Variants in GLIS2 observed in about 807,000 individuals in gnomAD.
GLIS2 encodes zinc finger protein GLIS2.
In GLIS2, 14 loss-of-function variants were observed where a neutral mutation model predicts 35.6. The observed-to-expected ratio is 0.39, with a 90% confidence interval of 0.26 to 0.61. The LOEUF (loss-of-function observed/expected upper bound fraction) is 0.61, where lower values mean the gene tolerates loss of function less well. GLIS2 is among the 20% of genes least tolerant of loss of function. The pLI is 0.48. For missense variants in GLIS2, 675 were observed against 713.4 expected, an observed-to-expected ratio of 0.95 and a Z score of 0.61; for synonymous variants, 368 against 325.1, an observed-to-expected ratio of 1.13 and a Z score of -1.42.
chr16:4,332,575 C>G lies in GLIS2; in HGVS notation c.172+123C>G. On this transcript the variant is annotated intron_variant, in intron 2 of 6. Coordinates refer to ENST00000433375, the MANE Select transcript of GLIS2 (RefSeq NM_032575.3). This position sits in a 1 kb window ranked among gnomAD's most constrained non-coding sequence, Gnocchi z 5.4. The stretch of plus-strand genomic sequence containing the variant: ...CTCTCGGCTTCCGGTTCATGGGAAG[C>G]CCGCACGCTTGTCCTTCCATCCGCC... 8.7e-7 allele frequency: 1 copy of G among 1,149,198 alleles called. No homozygotes were observed. 71.2% of individuals were successfully genotyped at this position (1,149,198 alleles called of 1,614,324 possible).
chr16:4,337,811 G>A lies in GLIS2; in HGVS notation c.*287G>A, dbSNP rs372905167. The A allele has an allele frequency of 5.3e-5, 30 of 566,354 alleles. No homozygotes were observed. The highest frequency in any genetic ancestry group is 2.1e-4 in the Admixed American group (7 of 33,152). The allele number at this position is 566,354 out of a possible 1,614,324, so 35.1% of individuals were successfully genotyped here. A position where few individuals can be genotyped will look rare whatever the true frequency, so the allele number is the denominator to read the frequency against. The stretch of plus-strand genomic sequence containing the variant: ...GCTTCTGAGAGGCTTTCCCCTGCCC[G>A]ACCTCCTCCCGTTTCCCTCTCCCAC... On this transcript the variant is annotated 3_prime_UTR_variant, in exon 7 of 7. Coordinates refer to ENST00000433375, the MANE Select transcript of GLIS2 (RefSeq NM_032575.3).
rs764627908 is a variant in GLIS2 at position 4,335,310 on chromosome 16, A to G, written c.692A>G (p.Asn231Ser). ...CTCATCCACATCCGCACACACACCA[A>G]CGAGAAGCCACACCGCTGTCCGACC... is the stretch of plus-strand genomic sequence containing the variant. ...KMLIHIRTHT[N>S]EKPHRCPTCS... Residue 231 changes from asparagine to serine, a missense_variant, in exon 6 of 7, where the codon AAC becomes AGC. Physicochemically the swap from Asn to Ser is conservative, Grantham distance 46 (BLOSUM62 1). Transcript: ENST00000433375. The surrounding 1 kb of genome is among the most constrained non-coding windows in gnomAD (Gnocchi z 4.6). 3 of 1,613,578 alleles carry G rather than the reference A, an allele frequency of 1.9e-6. No homozygotes were observed. Among genetic ancestry groups the G allele is most frequent in the African/African-American group, 2.7e-5 (2 of 74,880 alleles).
At position 4,337,833 on chromosome 16, in the gene GLIS2, C is replaced by T. The variant is rs1288303671; in HGVS notation, c.*309C>T. 3.7e-6 allele frequency: 2 copies of T among 534,248 alleles called. No homozygotes were observed. 33.1% of individuals were successfully genotyped at this position (534,248 alleles called of 1,614,324 possible). ...CCCGACCTCCTCCCGTTTCCCTCTCCCACCCTGGCACCTCCCTCACCTAGT... is the reference window on the plus strand; with the variant it reads ...CCCGACCTCCTCCCGTTTCCCTCTCTCACCCTGGCACCTCCCTCACCTAGT... On this transcript the variant is annotated 3_prime_UTR_variant, in exon 7 of 7. Transcript: ENST00000433375.
rs770999124 is a variant in GLIS2 at position 4,332,409 on chromosome 16, G to A, written c.129G>A (p.Val43=). The A allele has an allele frequency of 4.4e-5, 71 of 1,612,646 alleles. No homozygotes were observed. In the South Asian group the frequency reaches 7.1e-4, roughly 16 times the overall value. ...PRALHRELGL[V]DDSPTPGSPG... ...CTCTGCACAGGGAGCTGGGCCTGGT[G>A]GATGACAGCCCCACACCTGGCTCTC... is the stretch of plus-strand genomic sequence containing the variant. Residue 43 remains valine, a synonymous_variant, in exon 2 of 7, where the codon GTG becomes GTA. Transcript: ENST00000433375. This position sits in a 1 kb window ranked among gnomAD's most constrained non-coding sequence, Gnocchi z 5.4.
rs1446172905 is a variant in GLIS2 at position 4,332,545 on chromosome 16, A to G, written c.172+93A>G. 1 of 1,441,902 alleles carries G rather than the reference A, an allele frequency of 6.9e-7. No homozygotes were observed. Among genetic ancestry groups the G allele is most frequent in the Non-Finnish European group, 9.5e-7 (1 of 1,056,052 alleles). 89.3% of individuals were successfully genotyped at this position (1,441,902 alleles called of 1,614,324 possible). A position where few individuals can be genotyped will look rare whatever the true frequency, so the allele number is the denominator to read the frequency against. On this transcript the variant is annotated intron_variant, in intron 2 of 6. Coordinates refer to ENST00000433375, the MANE Select transcript of GLIS2 (RefSeq NM_032575.3). The surrounding 1 kb of genome is among the most constrained non-coding windows in gnomAD (Gnocchi z 5.4). ...AGTGTGTCCACCAGCATGTAGCTGCAGCCCCTCTCGGCTTCCGGTTCATGG... is the reference window on the plus strand; with the variant it reads ...AGTGTGTCCACCAGCATGTAGCTGCGGCCCCTCTCGGCTTCCGGTTCATGG...
At chr16:4,318,990 G>A (rs1365801605) in intron 1 of GLIS2, among the ~76,000 whole-genome samples, 2 of 152,112 alleles carry the variant, frequency 1.3e-5, no homozygotes, top group African/African-American at 2.4e-5. Context: ...CATCTTGGGG[G>A]GGCTCCTGGG....
At position 4,333,531 on chromosome 16, in the gene GLIS2, T is replaced by C. The variant is rs1486628882; in HGVS notation, c.345+12T>C. 1.9e-6 allele frequency: 3 copies of C among 1,605,084 alleles called. No homozygotes were observed. Among genetic ancestry groups the C allele is most frequent in the South Asian group, 2.2e-5 (2 of 90,812 alleles). On this transcript the variant is annotated intron_variant, in intron 3 of 6. Transcript: ENST00000433375. ...TGCCCAGTGCCTCGGTAAGGAGGGGTGAGAGTTCCGGAGAGAGGGGTGGAC... is the reference window on the plus strand; with the variant it reads ...TGCCCAGTGCCTCGGTAAGGAGGGGCGAGAGTTCCGGAGAGAGGGGTGGAC...
At chr16:4,319,253 C>T (rs2053349089) in intron 1 of GLIS2, among the ~76,000 whole-genome samples, 1 of 152,114 alleles carries the variant, frequency 6.6e-6, no homozygotes, top group African/African-American at 2.4e-5. Context: ...CAGGGGAACC[C>T]CGGAAGGTCC....
chr16:4,332,066 G>C lies in GLIS2; in HGVS notation c.-66-149G>C. ...GGCTGTTGGCTCTCCCCCCATGATA[G>C]CTGCCGGCCAGGTCGCTCGGAGGGT... On this transcript the variant is annotated intron_variant, in intron 1 of 6. Transcript: ENST00000433375. The surrounding 1 kb of genome is among the most constrained non-coding windows in gnomAD (Gnocchi z 5.4). 1.6e-6 allele frequency: 1 copy of C among 644,058 alleles called. No homozygotes were observed. Among genetic ancestry groups the C allele is most frequent in the East Asian group, 2.7e-5 (1 of 36,454 alleles). The allele number at this position is 644,058 out of a possible 1,614,324, so 39.9% of individuals were successfully genotyped here.
At chr16:4,323,341 T>C (rs2053397228) in intron 1 of GLIS2, among the ~76,000 whole-genome samples, 1 of 152,178 alleles carries the variant, frequency 6.6e-6, no homozygotes, top group Non-Finnish European at 1.5e-5. Context: ...CGGGGCGGGC[T>C]TTCCTCTGGC....
At position 4,338,389 on chromosome 16, in the gene GLIS2, TTCC is replaced by T. The variant is rs1395218060; in HGVS notation, c.*870_*872del. 1 of 152,296 alleles carries T rather than the reference TTCC, an allele frequency of 6.6e-6. No individual in the cohort carries two copies. Among genetic ancestry groups the T allele is most frequent in the African/African-American group, 2.4e-5 (1 of 41,432 alleles). 9.4% of individuals were successfully genotyped at this position (152,296 alleles called of 1,614,324 possible). On this transcript the variant is annotated 3_prime_UTR_variant, in exon 7 of 7. Coordinates refer to ENST00000433375, the MANE Select transcript of GLIS2 (RefSeq NM_032575.3). ...GTGGGGCCAGGCCCAGCGCCCCGTC[TTCC>T]TCCTTCTACCCCCGCTGGGCCTGGC... is the stretch of plus-strand genomic sequence containing the variant.
At position 4,337,449 on chromosome 16, in the gene GLIS2, C is replaced by A; in HGVS notation, c.1500C>A (p.Ser500Arg). ...LSTGVNSAAS[S>R]PEALAPGWVV... ...CGGGCGTCAACTCAGCTGCCAGCAG[C>A]CCAGAGGCGTTGGCCCCTGGCTGGG... The change falls in exon 7 of 7, where the codon AGC becomes AGA. Residue 500 changes from serine to arginine, a missense_variant. Coordinates refer to ENST00000433375, the MANE Select transcript of GLIS2 (RefSeq NM_032575.3). 6.3e-7 allele frequency: 1 copy of A among 1,579,184 alleles called. No individual in the cohort carries two copies. Among genetic ancestry groups the A allele is most frequent in the Non-Finnish European group, 8.6e-7 (1 of 1,165,414 alleles).
Position 4,335,928 on chromosome 16 carries a change from T to C in GLIS2, c.775+535T>C, listed in dbSNP as rs2053546619. ...CCTCAAGGAGCTGATGTGTATGTTT[T>C]TTCCTGGTGTTTATTTCACCCTGGC... On this transcript the variant is annotated intron_variant, in intron 6 of 6. Coordinates refer to ENST00000433375, the MANE Select transcript of GLIS2 (RefSeq NM_032575.3). This position sits in a 1 kb window ranked among gnomAD's most constrained non-coding sequence, Gnocchi z 4.6. 1 of 178,306 alleles carries C rather than the reference T, an allele frequency of 5.6e-6. No homozygotes were observed. The allele number at this position is 178,306 out of a possible 1,614,324, so 11.0% of individuals were successfully genotyped here.
rs1301916198 is a variant in GLIS2, at chr16:4,332,122, C to A, written c.-66-93C>A. The A allele has an allele frequency of 1.1e-6, 1 of 939,364 alleles. No homozygotes were observed. Among genetic ancestry groups the A allele is most frequent in the South Asian group, 1.4e-5 (1 of 71,164 alleles). The allele number at this position is 939,364 out of a possible 1,614,324, so 58.2% of individuals were successfully genotyped here. A position where few individuals can be genotyped will look rare whatever the true frequency, so the allele number is the denominator to read the frequency against. ...TACCCAGGAGACAACCTCACACTGC[C>A]CCCTGCTCCTGCTCCTGTTAGACTG... On this transcript the variant is annotated intron_variant, in intron 1 of 6. Transcript: ENST00000433375. The surrounding 1 kb of genome is among the most constrained non-coding windows in gnomAD (Gnocchi z 5.4).
intron 1 of GLIS2, among the ~76,000 whole-genome samples, chr16:4,316,750 C>G (rs963473045): frequency 1.3e-5 from 2 of 152,140 alleles, no homozygotes; most frequent in Admixed American, 1.3e-4. Flanking sequence ...CTCGCAAGCC[C>G]GGGTCCTTCC....
rs2053582466 is a variant in GLIS2 at position 4,338,299 on chromosome 16, G to A, written c.*775G>A. On this transcript the variant is annotated 3_prime_UTR_variant, in exon 7 of 7. Transcript: ENST00000433375. ...GTCCGAGGGCCCCTGAGCTGGCAAG[G>A]GGAGGTGCCAGGCCAGCTGTGGTGC... 6.6e-6 allele frequency: 1 copy of A among 152,520 alleles called. No individual in the cohort carries two copies. The highest frequency in any genetic ancestry group is 1.5e-5 in the Non-Finnish European group (1 of 68,222). 9.4% of individuals were successfully genotyped at this position (152,520 alleles called of 1,614,324 possible).
At position 4,336,949 on chromosome 16, in the gene GLIS2, C is replaced by CA; in HGVS notation, c.1000_1001insA (p.Pro334HisfsTer47). On this transcript the variant is annotated frameshift_variant, in exon 7 of 7. Coordinates refer to ENST00000433375, the MANE Select transcript of GLIS2 (RefSeq NM_032575.3). LOFTEE classifies it high-confidence loss of function. ...GCAAGAGCTCCTGCAGCTGCGCCCA[C>CA]CCCCCAAGCCGCCACTGCCCGCCCC... The CA allele has an allele frequency of 6.2e-7, 1 of 1,610,194 alleles. No individual in the cohort carries two copies. Among genetic ancestry groups the CA allele is most frequent in the Non-Finnish European group, 8.5e-7 (1 of 1,179,050 alleles).
intron 1 of GLIS2, among the ~76,000 whole-genome samples, chr16:4,318,987 G>A (rs1364428869): frequency 1.3e-5 from 2 of 152,114 alleles, no homozygotes; most frequent in Non-Finnish European, 2.9e-5. Flanking sequence ...GGGCATCTTG[G>A]GGGGGCTCCT....
intron 1 of GLIS2, among the ~76,000 whole-genome samples, chr16:4,321,188 C>G (rs1376918487): frequency 6.6e-6 from 1 of 152,100 alleles, no homozygotes; most frequent in Non-Finnish European, 1.5e-5. Flanking sequence ...GGAGATGGAG[C>G]TGGGGGGGAT....
Sources: gnomAD v4.1 joint callset for allele counts (sites outside exome capture counted in the v4.1 genomes callset) on GRCh38, gnomAD v4.1.1 for gene constraint, Gnocchi (gnomAD v3.1) non-coding constraint, MANE v1.5 for transcripts, NCBI Gene and HGNC (gene_info 2026-07-23, HGNC 2026-07-21) for gene names.